Variants in PRRC2C observed in about 807,000 individuals in gnomAD.
The protein encoded by PRRC2C is proline rich coiled-coil 2C, also known as protein PRRC2C.
PRRC2C carries 72 observed loss-of-function variants against 317.2 expected under a neutral mutation model. That is an observed-to-expected ratio of 0.23 (90% CI 0.19 to 0.28). The LOEUF is 0.28. PRRC2C is among the 10% of genes least tolerant of loss of function. PRRC2C has a pLI of 1.00. For synonymous variants in PRRC2C, 1,296 were observed against 1,205.9 expected (o/e 1.07, Z -1.55); for missense variants, 3,074 against 3,459.7 (o/e 0.89, Z 2.80).
chr1:171,503,361 TA>T (rs1377751370), intron 1 of PRRC2C, among the ~76,000 whole-genome samples: 1 of 152,018 alleles, frequency 6.6e-6, no homozygotes, highest in Admixed American at 6.6e-5. Flanking sequence ...CCATCTTTAC[TA>T]AAAGTACAAA....
chr1:171,538,038 C>G (rs1401918937), intron 15 of PRRC2C, among the ~76,000 whole-genome samples: 1 of 152,122 alleles, frequency 6.6e-6, no homozygotes, highest in Non-Finnish European at 1.5e-5. Context: ...GTAGCTGGGA[C>G]TACAGGCACC....
intron 16 of PRRC2C, among the ~76,000 whole-genome samples, chr1:171,542,795 T>C (rs1401151217): frequency 6.6e-6 from 1 of 151,910 alleles, no homozygotes; most frequent in East Asian, 2.0e-4. Flanking sequence ...GAGTCTCGCC[T>C]TGTCACCCAG....
chr1:171,536,049 G>A lies in PRRC2C; in HGVS notation c.2064G>A (p.Gln688=). The change falls in exon 14 of 35, where the codon CAG becomes CAA. Residue 688 remains glutamine, a synonymous_variant. Transcript: ENST00000647382. ...TTCAGGAACAGATGAAACAGCAGCA[G>A]TGGCAGCAGCAGCAACAGCAAGGTG... ...QRQQEQMKQQ[Q]WQQQQQQGVL... is the part of the protein sequence containing the mutation. The A allele has an allele frequency of 6.4e-7, 1 of 1,552,078 alleles. No homozygotes were observed. Among genetic ancestry groups the A allele is most frequent in the South Asian group, 1.2e-5 (1 of 84,086 alleles).
chr1:171,516,894 A>C (rs987882873), intron 5 of PRRC2C, among the ~76,000 whole-genome samples: 1 of 152,170 alleles, frequency 6.6e-6, no homozygotes, highest in Non-Finnish European at 1.5e-5. Context: ...TCCACCCAAG[A>C]CAGAAGCCCA....
At chr1:171,539,853 A>G (rs1476805122) in intron 15 of PRRC2C, 118 bp from the exon 16 acceptor site, 6 of 911,040 alleles carry the variant, frequency 6.6e-6, no homozygotes, top group South Asian at 1.8e-5. Flanking sequence ...AGCGAGAGAA[A>G]GATTCTCATT....
chr1:171,573,635 AG>A (rs1262179559), intron 24 of PRRC2C, among the ~76,000 whole-genome samples: 1 of 151,432 alleles, frequency 6.6e-6, no homozygotes, highest in African/African-American at 2.4e-5. Flanking sequence ...GTGTTTTTAA[AG>A]GAAGGCAGGG....
chr1:171,546,744 G>A (rs761779264), intron 17 of PRRC2C, among the ~76,000 whole-genome samples: 1 of 152,062 alleles, frequency 6.6e-6, no homozygotes, highest in Non-Finnish European at 1.5e-5. Context: ...GGGAGTACAA[G>A]CATGAGCCAC....
rs1477201416 is a variant in PRRC2C at position 171,513,117 on chromosome 1, G to T, written c.235G>T (p.Val79Leu). The change falls in exon 3 of 35, where the codon GTA becomes TTA. Residue 79 changes from valine to leucine, a missense_variant. Val to Leu is a conservative substitution (Grantham distance 32). Transcript: ENST00000647382. ...AGGCAATGATCCTAATGTAAACATT[G>T]TACCTAAAGATGGCACAGGGTGGGC... is the stretch of plus-strand genomic sequence containing the variant. ...NKGNDPNVNI[V>L]PKDGTGWASK... 1 of 1,613,540 alleles carries T rather than the reference G, an allele frequency of 6.2e-7. No individual in the cohort carries two copies. Among genetic ancestry groups the T allele is most frequent in the Non-Finnish European group, 8.5e-7 (1 of 1,179,718 alleles).
intron 22 of PRRC2C, among the ~76,000 whole-genome samples, chr1:171,567,880 G>T (rs573621484): frequency 1.3e-5 from 2 of 152,160 alleles, no homozygotes; most frequent in East Asian, 3.9e-4. Context: ...CAACTATTAG[G>T]CTATCATTAG....
At chr1:171,560,442 A>G (rs966008404) in intron 19 of PRRC2C, among the ~76,000 whole-genome samples, 2 of 152,228 alleles carry the variant, frequency 1.3e-5, no homozygotes, top group African/African-American at 4.8e-5. Context: ...ATGGGTAAAC[A>G]GTATCACATG....
In PRRC2C at chr1:171,557,416, C is replaced by G. The variant is rs1681656900; in HGVS notation, c.5304C>G (p.Thr1768=). 1 of 1,547,254 alleles carries G rather than the reference C, an allele frequency of 6.5e-7. No individual in the cohort carries two copies. Among genetic ancestry groups the G allele is most frequent in the African/African-American group, 1.4e-5 (1 of 72,834 alleles). ...PSTSASVPAS[T]SAPLPATLTP... is the part of the protein sequence containing the mutation. The stretch of plus-strand genomic sequence containing the variant: ...CCTCAGCTTCAGTTCCAGCCTCAAC[C>G]TCAGCTCCACTTCCGGCAACCTTAA... Residue 1768 remains threonine, a synonymous_variant, in exon 19 of 35, where the codon ACC becomes ACG. Transcript: ENST00000647382.
In PRRC2C at chr1:171,541,684, A is replaced by G. The variant is rs758891453; in HGVS notation, c.4218A>G (p.Lys1406=). The change falls in exon 16 of 35, where the codon AAA becomes AAG. Residue 1406 remains lysine, a synonymous_variant. Transcript: ENST00000647382. This position sits in a 1 kb window ranked among gnomAD's most constrained non-coding sequence, Gnocchi z 4.1. ...AGTTTATTCCTATAGCAGCAGATAA[A>G]CGACCTCCAAAATTTGAGCGAAAAT... ...HEQFIPIAAD[K]RPPKFERKFD... 8 of 1,613,898 alleles carry G rather than the reference A, an allele frequency of 5.0e-6. No individual in the cohort carries two copies. In the Admixed American group the frequency reaches 1.3e-4, roughly 27 times the overall value.
intron 3 of PRRC2C, chr1:171,513,487 G>A (rs894906626): frequency 1.2e-4 from 57 of 482,576 alleles, no homozygotes; most frequent in Non-Finnish European, 2.1e-4. Flanking sequence ...AGTTGACTCC[G>A]ATACCTAAAT....
rs768883847 is a variant in PRRC2C, at chr1:171,540,919, G to C, written c.3453G>C (p.Glu1151Asp). ...EKVISKDLVI[E>D]RPRPDSRPAV... ...TCATCAGCAAAGACCTTGTTATAGA[G>C]AGGCCTCGACCAGATTCAAGACCAG... The change falls in exon 16 of 35, where the codon GAG (glutamate) becomes GAC (aspartate). Residue 1151 changes from glutamate to aspartate, a missense_variant. Glu to Asp is a conservative substitution (Grantham distance 45). Transcript: ENST00000647382. The C allele has an allele frequency of 6.2e-7, 1 of 1,613,830 alleles. No individual in the cohort carries two copies. The highest frequency in any genetic ancestry group is 8.5e-7 in the Non-Finnish European group (1 of 1,179,826).
intron 1 of PRRC2C, among the ~76,000 whole-genome samples, chr1:171,507,815 G>T (rs1422534678): frequency 1.3e-5 from 2 of 151,990 alleles, no homozygotes; most frequent in East Asian, 1.9e-4. Flanking sequence ...TATTTATTTC[G>T]ATTTCTTGTA....
chr1:171,563,401 CTGTT>C (rs1037256214), intron 20 of PRRC2C, among the ~76,000 whole-genome samples: 5 of 152,128 alleles, frequency 3.3e-5, no homozygotes, highest in Admixed American at 6.6e-5. Flanking sequence ...AAAGAACAGT[CTGTT>C]CTTGTATAGC....
chr1:171,524,687 C>CA, intron 9 of PRRC2C, 134 bp from the exon 10 acceptor site: 1 of 862,902 alleles, frequency 1.2e-6, no homozygotes, highest in South Asian at 2.1e-5. Flanking sequence ...TAATGGGTCA[C>CA]ACACCCATCT....
Position 171,541,425 on chromosome 1 carries a change from T to G in PRRC2C, c.3959T>G (p.Leu1320Arg). 1.2e-6 allele frequency: 2 copies of G among 1,613,896 alleles called. No individual in the cohort carries two copies. The highest frequency in any genetic ancestry group is 1.7e-6 in the Non-Finnish European group (2 of 1,179,844). Residue 1320 changes from leucine to arginine, a missense_variant, in exon 16 of 35, where the codon CTA becomes CGA. Physicochemically the swap from Leu to Arg is moderately radical, Grantham distance 102. Around this residue, in one of 11 missense-constraint regions of PRRC2C, gnomAD observed 1,320 missense variants for 1,395.7 expected, o/e 0.95. Transcript: ENST00000647382. The surrounding 1 kb of genome is among the most constrained non-coding windows in gnomAD (Gnocchi z 4.1). ...CATGTTCGAATAGATAATAGACTGC[T>G]AGAAAAGCCTTATGTAAGGGATGAC... ...DNHVRIDNRL[L>R]EKPYVRDDDK...
At chr1:171,578,532 C>T (rs1008397302) in intron 26 of PRRC2C, among the ~76,000 whole-genome samples, 3 of 150,998 alleles carry the variant, frequency 2.0e-5, no homozygotes, top group Middle Eastern at 3.4e-3. Flanking sequence ...CCTGTCTCGT[C>T]GTAATAATAT....
Sources: allele counts gnomAD v4.1 joint callset (sites outside exome capture counted in the v4.1 genomes callset), GRCh38; gene constraint gnomAD v4.1.1; regional missense constraint gnomAD v4.1.1; non-coding constraint Gnocchi (gnomAD v3.1); transcripts MANE v1.5; gene names NCBI Gene and HGNC (gene_info 2026-07-23, HGNC 2026-07-21).